Variants in CC2D2A observed in about 807,000 individuals in gnomAD.
CC2D2A encodes the protein coiled-coil and C2 domain-containing protein 2A.
Under a neutral mutation model 212.9 loss-of-function variants are expected in CC2D2A, and 155 were observed. The ratio of observed to expected loss-of-function variants is 0.73; its 90% confidence interval spans 0.64 to 0.83. CC2D2A has a LOEUF of 0.83. CC2D2A is among the 40% of genes least tolerant of loss of function. The pLI is 0.00. For synonymous variants in CC2D2A, 667 were observed against 686.5 expected (o/e 0.97, Z 0.44); for missense variants, 1,856 against 1,956.2 (o/e 0.95, Z 0.97).
intron 31 of CC2D2A, among the ~76,000 whole-genome samples, chr4:15,587,149 G>A (rs1302986162): frequency 6.6e-6 from 1 of 152,144 alleles, no homozygotes; most frequent in African/African-American, 2.4e-5. Context: ...AGATCATCAG[G>A]CATTAGATTC....
At chr4:15,514,918 C>G in intron 9 of CC2D2A, 49 bp downstream of exon 9, 3 of 1,560,402 alleles carry the variant, frequency 1.9e-6, no homozygotes, top group Non-Finnish European at 2.6e-6. Context: ...CGTCACTTAC[C>G]TTGTCATGAA....
chr4:15,547,344 A>T (rs1304158526), intron 17 of CC2D2A, among the ~76,000 whole-genome samples: 1 of 152,202 alleles, frequency 6.6e-6, no homozygotes, highest in African/African-American at 2.4e-5. Flanking sequence ...GCTATTTTGA[A>T]ATATACAGTA....
At position 15,485,799 on chromosome 4, in the gene CC2D2A, C is replaced by T. The variant is rs576631029; in HGVS notation, c.247+4972C>T. 2.2e-3 allele frequency among the ~76,000 whole-genome samples: 338 copies of T among 152,146 alleles called. 1 individual carries two copies. The highest frequency in any genetic ancestry group is 7.9e-3 in the African/African-American group (329 of 41,502). On this transcript the variant is annotated intron_variant, in intron 4 of 36. Transcript: ENST00000424120. ...AGAAATGTCTATCAATGTTTTTTGC[C>T]TATTTTTAATGAGATTATTTATGTT...
At chr4:15,470,964 G>T (rs547667700) in intron 1 of CC2D2A, among the ~76,000 whole-genome samples, 1 of 151,974 alleles carries the variant, frequency 6.6e-6, no homozygotes, top group East Asian at 1.9e-4. Context: ...CCAGGGAGGG[G>T]CTTCCAGTAC....
intron 34 of CC2D2A, 102 bp from the exon 35 acceptor site, chr4:15,597,305 T>C (rs1721360805): frequency 1.2e-6 from 1 of 848,606 alleles, no homozygotes; most frequent in Admixed American, 2.3e-5. Context: ...ATTTTCTATA[T>C]CTCGATGTCT....
chr4:15,519,258 C>A (rs990755508), intron 11 of CC2D2A: 19 of 373,116 alleles, frequency 5.1e-5, no homozygotes, highest in African/African-American at 4.1e-4. Context: ...AGTCTCTTTG[C>A]TAAAATATAA....
At chr4:15,472,397 T>G (rs944665236) in intron 1 of CC2D2A, among the ~76,000 whole-genome samples, 2 of 152,208 alleles carry the variant, frequency 1.3e-5, no homozygotes, top group African/African-American at 4.8e-5. Context: ...GTGCATAAGA[T>G]GATGGCAAAC....
chr4:15,582,540 G>A (rs1014644771), intron 30 of CC2D2A, among the ~76,000 whole-genome samples: 2 of 152,032 alleles, frequency 1.3e-5, no homozygotes, highest in Non-Finnish European at 2.9e-5. Flanking sequence ...GCACAGAAAT[G>A]CAAAGGATTA....
At chr4:15,516,925 TA>T (rs1365779786) in intron 11 of CC2D2A, among the ~76,000 whole-genome samples, 169 bp downstream of exon 11, 1 of 151,456 alleles carries the variant, frequency 6.6e-6, no homozygotes, top group Non-Finnish European at 1.5e-5. Context: ...TAAGTCTAAT[TA>T]TACTCAATGC....
Position 15,511,324 on chromosome 4 carries a change from A to G in CC2D2A, c.618A>G (p.Ser206=), listed in dbSNP as rs1358357587. 6.2e-7 allele frequency: 1 copy of G among 1,602,018 alleles called. No individual in the cohort carries two copies. Among genetic ancestry groups the G allele is most frequent in the Non-Finnish European group, 8.5e-7 (1 of 1,175,792 alleles). ...TFNFDPEPEG[S]EEKPKARHRA... ...ACTTTGATCCCGAACCAGAAGGATC[A>G]GAGGAAAAACCAAAAGCAAGACATA... Residue 206 remains serine, a synonymous_variant, in exon 8 of 37, where the codon TCA becomes TCG. Transcript: ENST00000424120.
At chr4:15,538,162 T>G in intron 16 of CC2D2A, 25 bp downstream of exon 16, 1 of 1,507,708 alleles carries the variant, frequency 6.6e-7, no homozygotes, top group South Asian at 1.3e-5. Context: ...CGACCGTAAA[T>G]GAGGCTGACA....
rs764719093 is a variant in CC2D2A at position 15,557,361 on chromosome 4, C to T, written c.2683C>T (p.Gln895Ter). ...PDFFRLEQLQ[Q>*]EFNFVSDQEL... ...TTTCTTTAGACTGGAGCAGCTGCAA[C>T]AGGAGTTTAACTTTGTTTCAGATCA... Residue 895 changes from glutamine (Q) to a stop codon, truncating the protein, a stop_gained, in exon 21 of 37, where the codon CAG becomes TAG. Coordinates refer to ENST00000424120, the MANE Select transcript of CC2D2A (RefSeq NM_001378615.1). LOFTEE classifies it high-confidence loss of function. 2 of 1,613,624 alleles carry T rather than the reference C, an allele frequency of 1.2e-6. No individual in the cohort carries two copies. Among genetic ancestry groups the T allele is most frequent in the South Asian group, 2.2e-5 (2 of 91,052 alleles).
Position 15,586,193 on chromosome 4 carries a change from T to C in CC2D2A, c.4012T>C (p.Leu1338=). The C allele has an allele frequency of 3.1e-6, 5 of 1,610,670 alleles. No homozygotes were observed. Among genetic ancestry groups the C allele is most frequent in the Non-Finnish European group, 4.2e-6 (5 of 1,177,702 alleles). Residue 1338 remains leucine (L), a synonymous_variant, in exon 31 of 37, where the codon TTG becomes CTG. Transcript: ENST00000424120. Reference sequence around the variant, plus strand: ...TCGATATGTGTCCTTGATTCCCTTCTTGCCTGACACTGTCTCATTTGGTGG... The same window carrying C: ...TCGATATGTGTCCTTGATTCCCTTCCTGCCTGACACTGTCTCATTTGGTGG... ...VARYVSLIPF[L]PDTVSFGGIC... is the part of the protein sequence containing the mutation.
chr4:15,510,546 T>A (rs1254196960), intron 7 of CC2D2A, among the ~76,000 whole-genome samples: 1 of 152,168 alleles, frequency 6.6e-6, no homozygotes, highest in African/African-American at 2.4e-5. Context: ...CAGTGAGCCA[T>A]GATTGTGCCA....
chr4:15,484,540 G>C (rs1714890554), intron 4 of CC2D2A, among the ~76,000 whole-genome samples: 1 of 152,170 alleles, frequency 6.6e-6, no homozygotes, highest in Admixed American at 6.5e-5. Flanking sequence ...CAAAAATCCA[G>C]GTGGGAGTTA....
At chr4:15,537,641 A>G (rs1718206037) in intron 15 of CC2D2A, among the ~76,000 whole-genome samples, 1 of 152,212 alleles carries the variant, frequency 6.6e-6, no homozygotes, top group Admixed American at 6.5e-5. Flanking sequence ...TCCAGGGACT[A>G]GGCTGTATGA....
chr4:15,564,086 T>C (rs1719754159), intron 24 of CC2D2A: 1 of 152,990 alleles, frequency 6.5e-6, no homozygotes, highest in Non-Finnish European at 1.5e-5. Flanking sequence ...ATATGTGCTG[T>C]GAACATAAAA....
intron 29 of CC2D2A, among the ~76,000 whole-genome samples, chr4:15,574,527 GGTCA>G (rs555712260): frequency 3.9e-4 from 60 of 152,208 alleles, no homozygotes; most frequent in African/African-American, 1.4e-3. Context: ...CCAGTAATCG[GGTCA>G]ATCAGCAATA....
intron 17 of CC2D2A, among the ~76,000 whole-genome samples, chr4:15,547,436 C>T (rs1256735355): frequency 1.3e-5 from 2 of 152,142 alleles, no homozygotes; most frequent in African/African-American, 2.4e-5. Flanking sequence ...ATACCATTAA[C>T]GAACCTCTCT....
Sources: gnomAD v4.1 joint callset for allele counts (sites outside exome capture counted in the v4.1 genomes callset) on GRCh38, gnomAD v4.1.1 for gene constraint, MANE v1.5 for transcripts, NCBI Gene and HGNC (gene_info 2026-07-23, HGNC 2026-07-21) for gene names.